Variants in PIEZO2 observed in about 807,000 individuals in gnomAD.
PIEZO2 encodes the protein piezo-type mechanosensitive ion channel component 2.
Under a neutral mutation model 337.3 loss-of-function variants are expected in PIEZO2, and 172 were observed. The observed-to-expected ratio is 0.51, with a 90% CI of 0.45 to 0.58. The LOEUF (loss-of-function observed/expected upper bound fraction) is 0.58, where lower values mean the gene tolerates loss of function less well. Among genes scored for constraint, PIEZO2 ranks in the 20% least tolerant of loss-of-function variants. The pLI is 0.00. For missense variants in PIEZO2, 3,028 were observed against 3,391.3 expected, an observed-to-expected ratio of 0.89 and a Z score of 2.66; for synonymous variants, 1,251 against 1,228.5, an observed-to-expected ratio of 1.02 and a Z score of -0.38.
chr18:11,086,468 G>C (rs1476853184), intron 1 of PIEZO2, among the ~76,000 whole-genome samples: 1 of 150,598 alleles, frequency 6.6e-6, no homozygotes, highest in Admixed American at 6.6e-5. Context: ...GCAGTGAGCC[G>C]AGATCCCGCC....
chr18:10,695,974 C>A, intron 47 of PIEZO2, 100 bp downstream of exon 47: 1 of 1,191,668 alleles, frequency 8.4e-7, no homozygotes, highest in Non-Finnish European at 1.2e-6. Flanking sequence ...AAGGCTCTGC[C>A]TGTGGCCAGC....
At position 11,148,482 on chromosome 18, in the gene PIEZO2, C is replaced by T. The variant is rs113190739; in HGVS notation, c.64+43G>A. ...AAGAAGTCCCCCACCCAGGCGCCCC[C>T]CTCGTCCTCCTCAAGTGCCCTCGGA... On this transcript the variant is annotated intron_variant, in intron 1 of 55. Transcript: ENST00000674853. This position sits in a 1 kb window ranked among gnomAD's most constrained non-coding sequence, Gnocchi z 5.2. 3 of 1,533,414 alleles carry T rather than the reference C, an allele frequency of 2.0e-6. No homozygotes were observed. Among genetic ancestry groups the T allele is most frequent in the Admixed American group, 2.0e-5 (1 of 50,978 alleles). 95.0% of individuals were successfully genotyped at this position (1,533,414 alleles called of 1,614,324 possible).
intron 29 of PIEZO2, among the ~76,000 whole-genome samples, chr18:10,749,431 T>C (rs8084621): frequency 0.84 from 127,234 of 152,120 alleles, 53,770 homozygotes; most frequent in African/African-American, 0.96. Flanking sequence ...CCACTGTAGT[T>C]CAGCCTGGGT....
intron 26 of PIEZO2, 110 bp from the exon 27 acceptor site, chr18:10,758,244 T>C (rs561845413): frequency 6.4e-6 from 8 of 1,250,846 alleles, no homozygotes; most frequent in Non-Finnish European, 7.6e-6. Context: ...CTAAGTGAGT[T>C]GTGTTCCCAA....
chr18:10,768,524 C>A (rs1003862997), intron 21 of PIEZO2, among the ~76,000 whole-genome samples: 5 of 152,142 alleles, frequency 3.3e-5, no homozygotes, highest in African/African-American at 1.2e-4. Flanking sequence ...GTGGCTGAAA[C>A]AATTTTACAG....
rs545836047 is a variant in PIEZO2, at chr18:10,861,108, A to G, written c.493-3897T>C. Among the ~76,000 whole-genome samples the G allele has an allele frequency of 6.6e-6, 1 of 152,324 alleles. No individual in the cohort carries two copies. The highest frequency in any genetic ancestry group is 2.1e-4 in the South Asian group (1 of 4,822). ...CAAAGTGATTCTTCTGCTGATGTAT[A>G]AACACTGAACCTCTGAAAGAGCATG... is the stretch of plus-strand genomic sequence containing the variant. On this transcript the variant is annotated intron_variant, in intron 5 of 55. Transcript: ENST00000674853. This position sits in a 1 kb window ranked among gnomAD's most constrained non-coding sequence, Gnocchi z 4.3.
At chr18:11,142,130 C>G (rs2040668446) in intron 1 of PIEZO2, among the ~76,000 whole-genome samples, 1 of 152,044 alleles carries the variant, frequency 6.6e-6, no homozygotes, top group African/African-American at 2.4e-5. Flanking sequence ...TATGATAAAG[C>G]AAGGCAAATA....
chr18:11,134,826 A>G (rs2040435903), intron 1 of PIEZO2, among the ~76,000 whole-genome samples: 1 of 152,168 alleles, frequency 6.6e-6, no homozygotes, highest in East Asian at 1.9e-4. Flanking sequence ...AATGTTTCCC[A>G]ATAGGAATTA....
rs369702289 is a variant in PIEZO2, at chr18:10,994,688, G to T, written c.161-15028C>A. Among the ~76,000 whole-genome samples the T allele has an allele frequency of 4.5e-4, 68 of 151,920 alleles. 3 individuals are homozygous for T. The South Asian group carries it at 0.014, about 31-fold the overall frequency. On this transcript the variant is annotated intron_variant, in intron 2 of 55. Transcript: ENST00000674853. ...CTCCCAAAGTGCTGGGATTACAGGT[G>T]TGAGCCAGCACACCCAGCCTACTTT...
chr18:10,761,931 G>A (rs576737821), intron 23 of PIEZO2, among the ~76,000 whole-genome samples: 1 of 152,254 alleles, frequency 6.6e-6, no homozygotes, highest in East Asian at 1.9e-4. Context: ...CATTATGTTT[G>A]TATGACTATT....
rs78255949 is a variant in PIEZO2 at position 10,878,665 on chromosome 18, C to T, written c.330-7250G>A. On this transcript the variant is annotated intron_variant, in intron 4 of 55. Transcript: ENST00000674853. The surrounding 1 kb of genome is among the most constrained non-coding windows in gnomAD (Gnocchi z 4.3). ...ACTAATTCAAAAAAATTATTAAGCA[C>T]TTACTATGTGCCAGACACTGTCTCT... 0.035 allele frequency among the ~76,000 whole-genome samples: 5,328 copies of T among 152,074 alleles called. 312 individuals carry two copies. The highest frequency in any genetic ancestry group is 0.12 in the African/African-American group (5,010 of 41,464).
At chr18:10,915,383 T>C (rs1478308891) in intron 3 of PIEZO2, among the ~76,000 whole-genome samples, 3 of 150,316 alleles carry the variant, frequency 2.0e-5, no homozygotes, top group African/African-American at 7.4e-5. Flanking sequence ...CTGGGTCACC[T>C]ATTCTCATTT....
At chr18:11,060,592 G>A (rs1260693556) in intron 2 of PIEZO2, among the ~76,000 whole-genome samples, 12 of 152,012 alleles carry the variant, frequency 7.9e-5, no homozygotes, top group Non-Finnish European at 1.5e-4. Flanking sequence ...CCGATCCCAC[G>A]GAAATACAAA....
intron 7 of PIEZO2, among the ~76,000 whole-genome samples, chr18:10,851,487 T>C (rs143422286): frequency 0.018 from 2,730 of 152,252 alleles, 88 homozygotes; most frequent in African/African-American, 0.063. Context: ...CTGTAATAAA[T>C]TATAATTTTA....
At chr18:11,019,893 C>T (rs927102485) in intron 2 of PIEZO2, among the ~76,000 whole-genome samples, 6 of 152,128 alleles carry the variant, frequency 3.9e-5, no homozygotes, top group Non-Finnish European at 1.5e-5. Flanking sequence ...CAGAATAACT[C>T]CATGGAGACA....
intron 32 of PIEZO2, among the ~76,000 whole-genome samples, chr18:10,741,929 G>A (rs560475118): frequency 1.3e-5 from 2 of 152,106 alleles, no homozygotes; most frequent in South Asian, 2.1e-4. Context: ...CGAGGTGGGC[G>A]GATCACGAGG....
intron 3 of PIEZO2, among the ~76,000 whole-genome samples, chr18:10,916,435 A>T (rs568006179): frequency 6.6e-6 from 1 of 152,218 alleles, no homozygotes; most frequent in Admixed American, 6.5e-5. Context: ...CCTCGAGGCG[A>T]GGAGGCAGAG....
At chr18:10,720,222 A>ATGTGTGTGTGTG (rs199985733) in intron 36 of PIEZO2, among the ~76,000 whole-genome samples, 1 of 139,898 alleles carries the variant, frequency 7.1e-6, no homozygotes, top group Non-Finnish European at 1.5e-5. Context: ...ATATGAATAT[A>ATGTGTGTGTGTG]TGTGTGTGTG....
At chr18:11,072,931 C>T (rs1366138137) in intron 1 of PIEZO2, among the ~76,000 whole-genome samples, 5 of 152,224 alleles carry the variant, frequency 3.3e-5, no homozygotes, top group African/African-American at 2.4e-5. Flanking sequence ...GACCCCTTCA[C>T]GCACCCTCTG....
Sources: gnomAD v4.1 joint callset for allele counts (sites outside exome capture counted in the v4.1 genomes callset) on GRCh38, gnomAD v4.1.1 for gene constraint, Gnocchi (gnomAD v3.1) non-coding constraint, MANE v1.5 for transcripts, NCBI Gene and HGNC (gene_info 2026-07-23, HGNC 2026-07-21) for gene names.